Variants in OPCML observed in about 807,000 individuals in gnomAD.
OPCML encodes the protein opioid-binding protein/cell adhesion molecule.
In OPCML, 13 loss-of-function variants were observed where a neutral mutation model predicts 37.8. That is an observed-to-expected ratio of 0.34 (90% CI 0.22 to 0.55). The LOEUF is 0.55. Among genes scored for constraint, OPCML ranks in the 20% least tolerant of loss-of-function variants. The probability of loss-of-function intolerance (pLI) is 0.91; values close to 1 mark genes in which losing one functional copy is unlikely to be tolerated. For synonymous variants in OPCML, 176 were observed against 168.8 expected, an observed-to-expected ratio of 1.04 and a Z score of -0.33; for missense variants, 341 against 435.6, an observed-to-expected ratio of 0.78 and a Z score of 1.93.
intron 1 of OPCML, among the ~76,000 whole-genome samples, chr11:133,322,437 C>T (rs922373975): frequency 3.9e-5 from 6 of 152,268 alleles, no homozygotes; most frequent in Admixed American, 2.0e-4. Flanking sequence ...AATCGTCTGG[C>T]GATCTTTTTC....
At chr11:132,495,985 C>A (rs544389227) in intron 4 of OPCML, among the ~76,000 whole-genome samples, 2 of 151,810 alleles carry the variant, frequency 1.3e-5, no homozygotes, top group African/African-American at 4.8e-5. Context: ...TTTTGTGCTA[C>A]GACAGGTGCT....
intron 1 of OPCML, among the ~76,000 whole-genome samples, chr11:132,978,376 G>A (rs1946510168): frequency 6.6e-6 from 1 of 152,196 alleles, no homozygotes; most frequent in African/African-American, 2.4e-5. Flanking sequence ...GGAGAGAAGA[G>A]TTTGGTAGCA....
chr11:133,526,163 G>A lies in OPCML; in HGVS notation c.61+6101C>T, dbSNP rs572895752. On this transcript the variant is annotated intron_variant, in intron 1 of 7. Coordinates refer to ENST00000524381, the MANE Select transcript of OPCML (RefSeq NM_001012393.5). ...CTACTTACTGGCTCTGGGGCGCAGA[G>A]GCGAGTGGGTGGATGTGCAGGGAAT... Among the ~76,000 whole-genome samples, 183 of 152,304 alleles carry A rather than the reference G, an allele frequency of 1.2e-3. 1 individual carries two copies. The highest frequency in any genetic ancestry group is 4.1e-3 in the African/African-American group (171 of 41,568).
At chr11:132,714,383 C>T (rs1040548521) in intron 2 of OPCML, among the ~76,000 whole-genome samples, 3 of 152,166 alleles carry the variant, frequency 2.0e-5, no homozygotes, top group African/African-American at 7.2e-5. Flanking sequence ...TGTTTTCAAT[C>T]TCATGGAGAT....
At chr11:132,446,335 G>A (rs557309367) in intron 4 of OPCML, among the ~76,000 whole-genome samples, 72 of 150,356 alleles carry the variant, frequency 4.8e-4, no homozygotes, top group Non-Finnish European at 9.5e-4. Flanking sequence ...AGGCAGAGGA[G>A]GGAGGGAGGG....
At position 133,206,844 on chromosome 11, in the gene OPCML, A is replaced by G. The variant is rs563097525; in HGVS notation, c.62-263834T>C. On this transcript the variant is annotated intron_variant, in intron 1 of 7. Coordinates refer to ENST00000524381, the MANE Select transcript of OPCML (RefSeq NM_001012393.5). This position sits in a 1 kb window ranked among gnomAD's most constrained non-coding sequence, Gnocchi z 4.7. Reference sequence around the variant, plus strand: ...CCCTCCACACTCTCACGATGTCCACACAGCTACGGTGACCTATTCATGTCT... The same window carrying G: ...CCCTCCACACTCTCACGATGTCCACGCAGCTACGGTGACCTATTCATGTCT... 1.3e-5 allele frequency among the ~76,000 whole-genome samples: 2 copies of G among 152,294 alleles called. No homozygotes were observed. The highest frequency in any genetic ancestry group is 4.1e-4 in the South Asian group (2 of 4,824).
At chr11:132,595,689 A>T (rs187960706) in intron 3 of OPCML, among the ~76,000 whole-genome samples, 7 of 151,942 alleles carry the variant, frequency 4.6e-5, no homozygotes, top group African/African-American at 1.7e-4. Context: ...ATTTCCGTCC[A>T]TGACATTTAA....
At chr11:133,244,660 G>A (rs1056090711) in intron 1 of OPCML, among the ~76,000 whole-genome samples, 1 of 151,084 alleles carries the variant, frequency 6.6e-6, no homozygotes, top group African/African-American at 2.4e-5. Context: ...CGTGAGATCT[G>A]ACAATTTAAA....
At chr11:133,140,791 G>T in intron 1 of OPCML, among the ~76,000 whole-genome samples, 1 of 138,986 alleles carries the variant, frequency 7.2e-6, no homozygotes, top group Non-Finnish European at 1.5e-5. Context: ...AGACGACGAA[G>T]AAGAAGAAGA....
intron 1 of OPCML, among the ~76,000 whole-genome samples, chr11:133,048,705 A>G (rs993475727): frequency 6.6e-6 from 1 of 152,204 alleles, no homozygotes; most frequent in African/African-American, 2.4e-5. Context: ...TACTAGATAG[A>G]GCTGATACAG....
chr11:132,943,123 G>T lies in OPCML; in HGVS notation c.62-113C>A, dbSNP rs767828334. The stretch of plus-strand genomic sequence containing the variant: ...ACAGCCACAACTTCCCAGGACTCCG[G>T]CAGCCGCACAGTCCTGGTCCCCCGC... On this transcript the variant is annotated intron_variant, in intron 1 of 7. Transcript: ENST00000524381. The surrounding 1 kb of genome is among the most constrained non-coding windows in gnomAD (Gnocchi z 4.3). 5.0e-6 allele frequency: 8 copies of T among 1,613,548 alleles called. No homozygotes were observed. Among genetic ancestry groups the T allele is most frequent in the Non-Finnish European group, 6.8e-6 (8 of 1,179,816 alleles).
At chr11:133,335,452 T>C (rs1019398443) in intron 1 of OPCML, among the ~76,000 whole-genome samples, 2 of 152,098 alleles carry the variant, frequency 1.3e-5, no homozygotes, top group Admixed American at 6.5e-5. Context: ...GCGTCACCCC[T>C]GGAGGCTGCA....
chr11:132,914,173 A>G (rs576726181), intron 2 of OPCML, among the ~76,000 whole-genome samples: 1 of 152,314 alleles, frequency 6.6e-6, no homozygotes, highest in East Asian at 1.9e-4. Context: ...AGAAGTCACA[A>G]AAGAAGTGTC....
At chr11:133,395,313 C>T (rs2136822363) in intron 1 of OPCML, among the ~76,000 whole-genome samples, 2 of 152,202 alleles carry the variant, frequency 1.3e-5, no homozygotes, top group South Asian at 2.1e-4. Flanking sequence ...TTTCTCCCGT[C>T]CTGTGAGTTA....
chr11:133,120,095 A>G (rs1949397526), intron 1 of OPCML, among the ~76,000 whole-genome samples: 1 of 152,146 alleles, frequency 6.6e-6, no homozygotes, highest in African/African-American at 2.4e-5. Flanking sequence ...ATAAAAGTTC[A>G]GGTTAAGAGC....
intron 1 of OPCML, among the ~76,000 whole-genome samples, chr11:133,375,850 G>A (rs1410730046): frequency 2.0e-5 from 3 of 152,192 alleles, no homozygotes; most frequent in Non-Finnish European, 4.4e-5. Flanking sequence ...GAATGAATAT[G>A]TATTAAATTG....
intron 3 of OPCML, among the ~76,000 whole-genome samples, chr11:132,588,606 T>C (rs1223363050): frequency 6.6e-6 from 1 of 152,140 alleles, no homozygotes; most frequent in Non-Finnish European, 1.5e-5. Context: ...TCACTGCCCC[T>C]TGGCTGCCAG....
chr11:133,097,393 A>G (rs9633972), intron 1 of OPCML, among the ~76,000 whole-genome samples: 64,058 of 152,130 alleles, frequency 0.42, 15,750 homozygotes, highest in Admixed American at 0.54. Flanking sequence ...CACGTAAAGC[A>G]TGCTTAGATG....
At chr11:132,710,253 T>A (rs983439495) in intron 2 of OPCML, among the ~76,000 whole-genome samples, 9 of 152,158 alleles carry the variant, frequency 5.9e-5, no homozygotes, top group Non-Finnish European at 1.2e-4. Context: ...AGAATTCAGT[T>A]TTTTTCTCAG....
Sources: allele counts gnomAD v4.1 joint callset (sites outside exome capture counted in the v4.1 genomes callset), GRCh38; gene constraint gnomAD v4.1.1; non-coding constraint Gnocchi (gnomAD v3.1); transcripts MANE v1.5; gene names NCBI Gene and HGNC (gene_info 2026-07-23, HGNC 2026-07-21).